The following MTAP variants were observed in gnomAD, a reference collection of about 807,000 sequenced individuals.
The protein encoded by MTAP is S-methyl-5'-thioadenosine phosphorylase.
In MTAP, 33 loss-of-function variants were observed where a neutral mutation model predicts 33.6. The observed-to-expected ratio is 0.98, with a 90% CI of 0.74 to 1.31. The LOEUF (loss-of-function observed/expected upper bound fraction) is 1.31, where lower values mean the gene tolerates loss of function less well. Ranked by LOEUF, MTAP falls within the 40% of genes most tolerant of loss-of-function variation. The pLI is 0.00. For missense variants in MTAP, 367 were observed against 360.0 expected, an observed-to-expected ratio of 1.02 and a Z score of -0.16; for synonymous variants, 148 against 125.7, an observed-to-expected ratio of 1.18 and a Z score of -1.19.
chr9:21,861,806 G>A (rs1825759842), intron 7 of MTAP, 170 bp from the exon 8 acceptor site: 2 of 620,238 alleles, frequency 3.2e-6, no homozygotes, highest in Admixed American at 5.8e-5. Context: ...AGTACCCGAA[G>A]TTCCACATCT....
chr9:21,940,094 C>T (rs1376198376), downstream of MTAP, among the ~76,000 whole-genome samples: 1 of 152,080 alleles, frequency 6.6e-6, no homozygotes, highest in Admixed American at 6.5e-5. Context: ...CAAGCCTGGC[C>T]AACAGGACCC....
rs1180266107 is a variant in MTAP at position 21,922,245 on chromosome 9, A to AT, written c.148-8762dup. On this transcript the variant is annotated intron_variant, in intron 1 of 1. Coordinates refer to the MTAP transcript ENST00000577563. The surrounding 1 kb of genome is among the most constrained non-coding windows in gnomAD (Gnocchi z 4.8). ...CACAACTTCAGTAAATACACTGTGC[A>AT]TGTGGCCGCTCACAAGTGCTGGCAG... Among the ~76,000 whole-genome samples, 2 of 151,924 alleles carry AT rather than the reference A, an allele frequency of 1.3e-5. No individual in the cohort carries two copies. Among genetic ancestry groups the AT allele is most frequent in the African/African-American group, 4.8e-5 (2 of 41,362 alleles).
intron 5 of MTAP, among the ~76,000 whole-genome samples, chr9:21,848,908 A>G (rs1825443963): frequency 6.6e-6 from 1 of 152,178 alleles, no homozygotes; most frequent in African/African-American, 2.4e-5. Context: ...CATAGCTACC[A>G]TAATGGGCAG....
chr9:21,842,583 A>T (rs914971351), intron 5 of MTAP, among the ~76,000 whole-genome samples: 1 of 152,236 alleles, frequency 6.6e-6, no homozygotes, highest in Admixed American at 6.5e-5. Context: ...GCCAGAAGCC[A>T]GAAGGGATTG....
Position 21,854,702 on chromosome 9 carries a change from A to T in MTAP, c.522A>T (p.Gly174=), listed in dbSNP as rs1299284304. 4.3e-6 allele frequency: 7 copies of T among 1,614,030 alleles called. No individual in the cohort carries two copies. In the East Asian group the frequency reaches 1.3e-4, roughly 31 times the overall value. ...HSKGTMVTIE[G]PRFSSRAESF... ...AGGGGACAATGGTCACAATCGAGGG[A>T]CCTCGTTTTAGCTCCCGGGCAGAAA... The change falls in exon 6 of 8, where the codon GGA becomes GGT. Residue 174 remains glycine (G), a synonymous_variant. Coordinates refer to ENST00000644715, the MANE Select transcript of MTAP (RefSeq NM_002451.4).
In MTAP at chr9:21,872,616, T is replaced by C. The variant is rs76059716; in HGVS notation, c.147+17746T>C. ...AATCCTAAATAAGATCAAAGCTTAT[T>C]TTTCCCTTTTGCATAGTATCTTCCA... is the stretch of plus-strand genomic sequence containing the variant. On this transcript the variant is annotated intron_variant, in intron 1 of 1. Transcript: ENST00000577563. Among the ~76,000 whole-genome samples, 886 of 152,272 alleles carry C rather than the reference T, an allele frequency of 5.8e-3. 19 individuals carry two copies. Among genetic ancestry groups the C allele is most frequent in the East Asian group, 0.056 (290 of 5,180 alleles).
chr9:21,873,403 T>C (rs1252480746), intron 1 of MTAP, among the ~76,000 whole-genome samples: 1 of 152,142 alleles, frequency 6.6e-6, no homozygotes, highest in African/African-American at 2.4e-5. Flanking sequence ...TGCAGTAGTA[T>C]CAAGAGGTAG....
At chr9:21,811,340 C>A (rs1487940842) in intron 1 of MTAP, among the ~76,000 whole-genome samples, 1 of 152,200 alleles carries the variant, frequency 6.6e-6, no homozygotes, top group African/African-American at 2.4e-5. Context: ...TGCACCCTTT[C>A]CACATTGCTA....
At chr9:21,809,520 T>C (rs1824291125) in intron 1 of MTAP, among the ~76,000 whole-genome samples, 1 of 151,668 alleles carries the variant, frequency 6.6e-6, no homozygotes, top group African/African-American at 2.4e-5. Flanking sequence ...CCTCCTGTCA[T>C]CCCAGCTACT....
chr9:21,909,478 A>C (rs373578010), intron 1 of MTAP, among the ~76,000 whole-genome samples: 1 of 152,154 alleles, frequency 6.6e-6, no homozygotes, highest in South Asian at 2.1e-4. Context: ...GGCATTCTCA[A>C]ATTTAATCTT....
intron 1 of MTAP, 37 bp downstream of exon 1, chr9:21,802,818 G>A: frequency 1.2e-6 from 2 of 1,611,256 alleles, no homozygotes; most frequent in Non-Finnish European, 1.7e-6. Context: ...GGTTCGCCCT[G>A]CCGGATGCCT....
intron 1 of MTAP, among the ~76,000 whole-genome samples, chr9:21,894,992 G>A (rs62556519): frequency 0.23 from 35,234 of 151,914 alleles, 4,367 homozygotes; most frequent in Admixed American, 0.35. Flanking sequence ...TTCTCCACAA[G>A]GAGAATTACA....
intron 1 of MTAP, among the ~76,000 whole-genome samples, chr9:21,906,049 GAAAC>G (rs1057170752): frequency 1.2e-4 from 18 of 152,128 alleles, no homozygotes; most frequent in Admixed American, 6.6e-5. Context: ...AGGCCAGAAA[GAAAC>G]AAACAGAAGC....
At chr9:21,861,841 G>A (rs1825760479) in intron 7 of MTAP, 135 bp from the exon 8 acceptor site, 2 of 680,926 alleles carry the variant, frequency 2.9e-6, no homozygotes, top group African/African-American at 1.8e-5. Context: ...AAAATTTTCT[G>A]TAGAATTTAT....
At chr9:21,905,004 A>G (rs886962147) in intron 1 of MTAP, among the ~76,000 whole-genome samples, 7 of 152,108 alleles carry the variant, frequency 4.6e-5, no homozygotes, top group Non-Finnish European at 8.8e-5. Flanking sequence ...CTCCAACTCC[A>G]TGGCAGTGTC....
intron 5 of MTAP, among the ~76,000 whole-genome samples, chr9:21,840,968 G>A (rs1312312853): frequency 6.6e-6 from 1 of 152,130 alleles, no homozygotes; most frequent in African/African-American, 2.4e-5. Context: ...TCTTGCTGCT[G>A]GCTCTCCCCC....
intron 1 of MTAP, among the ~76,000 whole-genome samples, chr9:21,928,451 G>A (rs998769611): frequency 1.3e-5 from 2 of 152,124 alleles, no homozygotes; most frequent in African/African-American, 4.8e-5. Context: ...CATGCCACAG[G>A]TGTAAGTACC....
chr9:21,820,057 C>T (rs1051314031), intron 4 of MTAP, among the ~76,000 whole-genome samples: 3 of 152,070 alleles, frequency 2.0e-5, no homozygotes, highest in South Asian at 2.1e-4. Context: ...TAGTCAGATG[C>T]GTAGGTTGCA....
chr9:21,850,032 T>C (rs945756039), intron 5 of MTAP, among the ~76,000 whole-genome samples: 1 of 152,340 alleles, frequency 6.6e-6, no homozygotes, highest in East Asian at 1.9e-4. Flanking sequence ...CAGTTTTGTG[T>C]CATAATCTTA....
Sources: gnomAD v4.1 joint callset for allele counts (sites outside exome capture counted in the v4.1 genomes callset) on GRCh38, gnomAD v4.1.1 for gene constraint, Gnocchi (gnomAD v3.1) non-coding constraint, MANE v1.5 for transcripts, NCBI Gene and HGNC (gene_info 2026-07-23, HGNC 2026-07-21) for gene names.